The following WT1 variants were observed in gnomAD, a reference collection of about 807,000 sequenced individuals.
WT1 encodes WT1 transcription factor, also known as Wilms tumor protein.
WT1 carries 8 observed loss-of-function variants against 60.8 expected under a neutral mutation model. The observed-to-expected ratio is 0.13, with a 90% confidence interval of 0.08 to 0.24. The LOEUF is 0.24. Ranked by LOEUF, WT1 falls within the 10% of genes least tolerant of loss-of-function variation. The pLI, the probability that WT1 is intolerant of heterozygous loss-of-function variation, is 1.00. For missense variants in WT1, 568 were observed against 711.8 expected (o/e 0.80, Z 2.30); for synonymous variants, 312 against 297.1 (o/e 1.05, Z -0.52).
chr11:32,431,539 C>T lies in WT1; in HGVS notation c.662-2920G>A, dbSNP rs1001777498. On this transcript the variant is annotated intron_variant, in intron 1 of 9. Coordinates refer to ENST00000452863, the MANE Select transcript of WT1 (RefSeq NM_024426.6). ...TCAACCTCAGCCTCCCGGGTTCAAA[C>T]GATTCTTGTGCCTCAGCCTCCCGAG... 1.1e-4 allele frequency among the ~76,000 whole-genome samples: 16 copies of T among 150,650 alleles called. 1 individual carries two copies. Among genetic ancestry groups the T allele is most frequent in the Non-Finnish European group, 7.4e-5 (5 of 67,876 alleles).
At chr11:32,416,589 C>G (rs1254288319) in intron 4 of WT1, 49 bp from the exon 5 acceptor site, 1 of 1,610,386 alleles carries the variant, frequency 6.2e-7, no homozygotes, top group Non-Finnish European at 8.5e-7. Context: ...ATGCATGGAT[C>G]TGGCAAGCCC....
chr11:32,435,395 T>A lies in WT1; in HGVS notation c.-35A>T, dbSNP rs1853486805. 8.3e-7 allele frequency: 1 copy of A among 1,198,570 alleles called. No homozygotes were observed. Among genetic ancestry groups the A allele is most frequent in the Non-Finnish European group, 1.1e-6 (1 of 936,338 alleles). 74.2% of individuals were successfully genotyped at this position (1,198,570 alleles called of 1,614,324 possible). The stretch of plus-strand genomic sequence containing the variant: ...GAGGAGACGGCGGGGCCCGGGCGCC[T>A]GGGCTGCCGTCCCGGCTCTGGGTGG... On this transcript the variant is annotated 5_prime_UTR_variant, in exon 1 of 10. Transcript: ENST00000452863.
chr11:32,388,987 G>C lies in WT1; in HGVS notation c.*71C>G, dbSNP rs1851739435. The C allele has an allele frequency of 3.7e-6, 6 of 1,610,740 alleles. No individual in the cohort carries two copies. Among genetic ancestry groups the C allele is most frequent in the Non-Finnish European group, 5.1e-6 (6 of 1,178,248 alleles). On this transcript the variant is annotated 3_prime_UTR_variant, in exon 10 of 10. Coordinates refer to ENST00000452863, the MANE Select transcript of WT1 (RefSeq NM_024426.6). Reference sequence around the variant, plus strand: ...GTTTCCTTTTTAGTGAGGAGGAGTGGAGAGTCAGACTTGAAAGCAGTTCAC... The same window carrying C: ...GTTTCCTTTTTAGTGAGGAGGAGTGCAGAGTCAGACTTGAAAGCAGTTCAC...
chr11:32,406,701 C>A (rs112000472), intron 5 of WT1, among the ~76,000 whole-genome samples: 1 of 152,150 alleles, frequency 6.6e-6, no homozygotes, highest in Non-Finnish European at 1.5e-5. Context: ...TGCACTTTGG[C>A]GCTTCACTTC....
intron 1 of WT1, chr11:32,428,974 C>T: frequency 2.7e-6 from 1 of 368,372 alleles, no homozygotes; most frequent in Non-Finnish European, 5.2e-6. Flanking sequence ...TGTTCACCCC[C>T]CAAAAATAAA....
At chr11:32,398,691 A>G (rs1043128889) in intron 6 of WT1, among the ~76,000 whole-genome samples, 9 of 152,136 alleles carry the variant, frequency 5.9e-5, no homozygotes, top group African/African-American at 1.9e-4. Context: ...CAGTTTCCCC[A>G]TCCATGAAAT....
At chr11:32,429,292 C>G (rs1312528336) in intron 1 of WT1, among the ~76,000 whole-genome samples, 1 of 152,202 alleles carries the variant, frequency 6.6e-6, no homozygotes, top group Non-Finnish European at 1.5e-5. Context: ...ATGGGACCCA[C>G]CTTGCGCCCA....
intron 7 of WT1, among the ~76,000 whole-genome samples, chr11:32,395,203 A>G (rs1001435895): frequency 2.0e-5 from 3 of 152,230 alleles, no homozygotes; most frequent in African/African-American, 4.8e-5. Flanking sequence ...CACAGTTGCA[A>G]CAGTGATCCT....
chr11:32,418,081 A>G (rs1305334752), intron 3 of WT1, among the ~76,000 whole-genome samples: 4 of 151,976 alleles, frequency 2.6e-5, no homozygotes, highest in Admixed American at 6.6e-5. Flanking sequence ...AATCAAAAGG[A>G]TAAGTATCAT....
At position 32,388,141 on chromosome 11, in the gene WT1, G is replaced by T. The variant is rs1182713275; in HGVS notation, c.*917C>A. 3.0e-5 allele frequency: 7 copies of T among 234,040 alleles called. No homozygotes were observed. The highest frequency in any genetic ancestry group is 4.4e-5 in the African/African-American group (2 of 45,270). The allele number at this position is 234,040 out of a possible 1,614,324, so 14.5% of individuals were successfully genotyped here. The stretch of plus-strand genomic sequence containing the variant: ...AAGTTACTTAAAAACAGTCTTATCA[G>T]TGGAGATCCTGGACCATCCCCTATT... On this transcript the variant is annotated 3_prime_UTR_variant, in exon 10 of 10. Coordinates refer to ENST00000452863, the MANE Select transcript of WT1 (RefSeq NM_024426.6).
At chr11:32,403,572 CT>C (rs398055138) in intron 5 of WT1, among the ~76,000 whole-genome samples, 5,457 of 128,706 alleles carry the variant, frequency 0.042, 257 homozygotes, top group African/African-American at 0.14. Flanking sequence ...ATGAATATTA[CT>C]TTTTTTTTTT....
chr11:32,388,944 TGAA>T lies in WT1; in HGVS notation c.*111_*113del, dbSNP rs1162327531. ...CCGGTATCTTGTCTTGGAAGTTGGA[TGAA>T]GAAGATCAACTGAAGTTTCCTTTTT... is the stretch of plus-strand genomic sequence containing the variant. On this transcript the variant is annotated 3_prime_UTR_variant, in exon 10 of 10. Transcript: ENST00000452863. The T allele has an allele frequency of 5.7e-6, 9 of 1,571,824 alleles. No individual in the cohort carries two copies. The highest frequency in any genetic ancestry group is 4.5e-5 in the East Asian group (2 of 44,296).
chr11:32,393,101 G>A lies in WT1; in HGVS notation c.1265-346C>T, dbSNP rs5030284. 4.7e-3 allele frequency among the ~76,000 whole-genome samples: 723 copies of A among 152,234 alleles called. 42 individuals are homozygous for A. In the East Asian group the frequency reaches 0.11, roughly 23 times the overall value. On this transcript the variant is annotated intron_variant, in intron 7 of 9. Transcript: ENST00000452863. ...CAGCCCAGAGCCTGGCATAGAAGGC[G>A]TGCTCAAAAACTATTAGCAAATAAA... is the stretch of plus-strand genomic sequence containing the variant.
At chr11:32,421,981 A>G (rs1452106971) in intron 3 of WT1, among the ~76,000 whole-genome samples, 1 of 152,256 alleles carries the variant, frequency 6.6e-6, no homozygotes, top group East Asian at 1.9e-4. Context: ...CAAAGTAGAC[A>G]TAACTGGCAT....
chr11:32,410,313 C>A (rs1852455195), intron 5 of WT1, among the ~76,000 whole-genome samples: 1 of 152,072 alleles, frequency 6.6e-6, no homozygotes, highest in East Asian at 1.9e-4. Context: ...TAAATAAAAG[C>A]AGAACAATTT....
chr11:32,395,976 C>T (rs1412985344), intron 7 of WT1, among the ~76,000 whole-genome samples: 2 of 152,074 alleles, frequency 1.3e-5, no homozygotes, highest in East Asian at 3.9e-4. Context: ...AGTATTCTAA[C>T]ACCAACACGA....
At chr11:32,430,849 AG>A in intron 1 of WT1, 1 of 1,248,012 alleles carries the variant, frequency 8.0e-7, no homozygotes, top group South Asian at 3.2e-5. Flanking sequence ...TTTAATTAGA[AG>A]CTTATCGGAC....
intron 6 of WT1, among the ~76,000 whole-genome samples, chr11:32,398,433 C>T (rs1185554025): frequency 2.6e-5 from 4 of 152,302 alleles, no homozygotes; most frequent in South Asian, 2.1e-4. Context: ...TGAAGGTCTA[C>T]GGAGGTGGCA....
At chr11:32,416,438 A>G in intron 5 of WT1, 52 bp downstream of exon 5, 1 of 1,612,582 alleles carries the variant, frequency 6.2e-7, no homozygotes, top group Non-Finnish European at 8.5e-7. Context: ...CCCAGGTGCC[A>G]GTCAGCAAGG....
Sources: allele counts gnomAD v4.1 joint callset (sites outside exome capture counted in the v4.1 genomes callset), GRCh38; gene constraint gnomAD v4.1.1; transcripts MANE v1.5; gene names NCBI Gene and HGNC (gene_info 2026-07-23, HGNC 2026-07-21).